RPS6KC1: variants seen among roughly 807,000 people sequenced by gnomAD.
RPS6KC1 encodes ribosomal protein S6 kinase C1, also known as inactive ribosomal protein S6 kinase delta-1.
Under a neutral mutation model 103.8 loss-of-function variants are expected in RPS6KC1, and 54 were observed. That is an observed-to-expected ratio of 0.52 (90% CI 0.42 to 0.65). The LOEUF (loss-of-function observed/expected upper bound fraction) is 0.65, where lower values mean the gene tolerates loss of function less well. Among genes scored for constraint, RPS6KC1 ranks in the 30% least tolerant of loss-of-function variants. The probability of loss-of-function intolerance (pLI) is 0.00; values close to 1 mark genes in which losing one functional copy is unlikely to be tolerated. For synonymous variants in RPS6KC1, 439 were observed against 438.7 expected (o/e 1.00, Z -0.01); for missense variants, 1,151 against 1,253.8 (o/e 0.92, Z 1.24).
the RPS6KC1 span, among the ~76,000 whole-genome samples, chr1:213,502,015 A>G: frequency 6.6e-6 from 1 of 152,224 alleles, no homozygotes; most frequent in East Asian, 1.9e-4. Flanking sequence ...TGGTTGCATA[A>G]TTGTTGCTGT....
At chr1:213,457,805 A>G in the RPS6KC1 span, among the ~76,000 whole-genome samples, 3 of 152,360 alleles carry the variant, frequency 2.0e-5, no homozygotes, top group Middle Eastern at 3.4e-3. Flanking sequence ...GACTCTTGAC[A>G]TACACAAAAG....
the RPS6KC1 span, among the ~76,000 whole-genome samples, chr1:213,466,281 T>C: frequency 6.6e-6 from 1 of 152,160 alleles, no homozygotes; most frequent in African/African-American, 2.4e-5. Flanking sequence ...TCAATATTTA[T>C]TGAAAAAAAA....
the RPS6KC1 span, among the ~76,000 whole-genome samples, chr1:213,572,517 T>C: frequency 6.6e-6 from 1 of 152,240 alleles, no homozygotes; most frequent in African/African-American, 2.4e-5. Context: ...TCCAGTTATG[T>C]TGAAATGAAA....
At chr1:213,641,667 C>T in the RPS6KC1 span, among the ~76,000 whole-genome samples, 1 of 151,908 alleles carries the variant, frequency 6.6e-6, no homozygotes, top group Non-Finnish European at 1.5e-5. Flanking sequence ...GATCACTGTC[C>T]TGAGTTCCTC....
At chr1:213,573,792 C>T in the RPS6KC1 span, among the ~76,000 whole-genome samples, 142 of 152,292 alleles carry the variant, frequency 9.3e-4, 1 homozygote, top group African/African-American at 3.3e-3. Context: ...ATGAAAGCGT[C>T]TAAACAATAG....
At chr1:213,145,829 A>G (rs2087694801) in intron 6 of RPS6KC1, among the ~76,000 whole-genome samples, 1 of 151,986 alleles carries the variant, frequency 6.6e-6, no homozygotes, top group Non-Finnish European at 1.5e-5. Context: ...AGAATGGGGT[A>G]TCCATCCCCT....
chr1:213,653,354 G>A, the RPS6KC1 span, among the ~76,000 whole-genome samples: 3 of 152,128 alleles, frequency 2.0e-5, no homozygotes, highest in South Asian at 6.2e-4. Context: ...AGCTACTCAA[G>A]AGGCTGAGGT....
chr1:213,287,801 C>T, the RPS6KC1 span, among the ~76,000 whole-genome samples: 1 of 152,148 alleles, frequency 6.6e-6, no homozygotes, highest in African/African-American at 2.4e-5. Flanking sequence ...CAGGAAGTTC[C>T]ATGGCATACC....
the RPS6KC1 span, among the ~76,000 whole-genome samples, chr1:213,406,949 CT>C: frequency 6.6e-6 from 1 of 152,144 alleles, no homozygotes; most frequent in Non-Finnish European, 1.5e-5. Flanking sequence ...AGGGCTGGGA[CT>C]TTTACCCAGT....
chr1:213,078,224 T>G (rs2079524818), intron 3 of RPS6KC1, among the ~76,000 whole-genome samples: 1 of 142,008 alleles, frequency 7.0e-6, no homozygotes, highest in Non-Finnish European at 1.5e-5. Context: ...TTTGATACCT[T>G]AGTATTCTTT....
the RPS6KC1 span, among the ~76,000 whole-genome samples, chr1:213,307,799 A>T: frequency 6.6e-6 from 1 of 152,240 alleles, no homozygotes; most frequent in East Asian, 1.9e-4. Context: ...CTGCACAGAG[A>T]GGGCCTCACC....
At chr1:213,176,919 A>G (rs1558481106) in intron 8 of RPS6KC1, among the ~76,000 whole-genome samples, 1 of 152,194 alleles carries the variant, frequency 6.6e-6, no homozygotes, top group Non-Finnish European at 1.5e-5. Flanking sequence ...TAGGCATTTT[A>G]TATGATACAA....
chr1:213,363,330 C>T, the RPS6KC1 span, among the ~76,000 whole-genome samples: 1 of 152,190 alleles, frequency 6.6e-6, no homozygotes, highest in African/African-American at 2.4e-5. Context: ...GTTTGGTGAG[C>T]AAGAGGTTGA....
In RPS6KC1 at chr1:213,074,718, C is replaced by T. The variant is rs554866284; in HGVS notation, c.142-2978C>T. Among the ~76,000 whole-genome samples the T allele has an allele frequency of 7.2e-5, 11 of 151,792 alleles. No homozygotes were observed. The East Asian group carries it at 1.2e-3, about 16-fold the overall frequency. On this transcript the variant is annotated intron_variant, in intron 2 of 14. Coordinates refer to ENST00000366960, the MANE Select transcript of RPS6KC1 (RefSeq NM_012424.6). ...GATTCTCACCTGGGGGGTTCTAATTCTTGCTCTGACAGACTATCTACTGGT... is the reference window on the plus strand; with the variant it reads ...GATTCTCACCTGGGGGGTTCTAATTTTTGCTCTGACAGACTATCTACTGGT...
At chr1:213,393,833 GA>G in the RPS6KC1 span, among the ~76,000 whole-genome samples, 1 of 152,200 alleles carries the variant, frequency 6.6e-6, no homozygotes, top group African/African-American at 2.4e-5. Flanking sequence ...CTGGGAGTGG[GA>G]TGGAAGGTCA....
the RPS6KC1 span, among the ~76,000 whole-genome samples, chr1:213,574,900 A>G: frequency 5.3e-5 from 8 of 152,130 alleles, no homozygotes; most frequent in Admixed American, 2.0e-4. Context: ...CCTGGAGAAG[A>G]ACACAATGGT....
the RPS6KC1 span, among the ~76,000 whole-genome samples, chr1:213,733,544 G>GTTTTTTTTTTTTTTTTTTT: frequency 1.0e-5 from 1 of 100,234 alleles, no homozygotes; most frequent in Non-Finnish European, 2.1e-5. Flanking sequence ...GCTATTTTTA[G>GTTTTTTTTTTTTTTTTTTT]TTTGTTTTTT....
the RPS6KC1 span, among the ~76,000 whole-genome samples, chr1:213,376,736 G>A: frequency 1.3e-5 from 2 of 152,154 alleles, no homozygotes; most frequent in African/African-American, 4.8e-5. Flanking sequence ...CCTTGTCTCT[G>A]CCTATTTTCT....
intron 4 of RPS6KC1, among the ~76,000 whole-genome samples, chr1:213,115,016 T>G (rs1200468961): frequency 6.6e-6 from 1 of 152,182 alleles, no homozygotes; most frequent in East Asian, 1.9e-4. Context: ...AAAATTCTCT[T>G]TTTTTGTTGT....
Sources: allele counts gnomAD v4.1 joint callset (sites outside exome capture counted in the v4.1 genomes callset), GRCh38; gene constraint gnomAD v4.1.1; transcripts MANE v1.5; gene names NCBI Gene and HGNC (gene_info 2026-07-23, HGNC 2026-07-21).